Variants in CDH13 observed in about 807,000 individuals in gnomAD.
CDH13 encodes cadherin-13.
CDH13 carries 24 observed loss-of-function variants against 63.8 expected under a neutral mutation model. The ratio of observed to expected loss-of-function variants is 0.38; its 90% CI spans 0.27 to 0.53. The LOEUF is 0.53. CDH13 is among the 20% of genes least tolerant of loss of function. CDH13 has a pLI of 0.85. For synonymous variants in CDH13, 503 were observed against 355.3 expected (o/e 1.42, Z -4.67); for missense variants, 1,049 against 903.1 (o/e 1.16, Z -2.07).
At chr16:83,236,319 C>T (rs1430134243) in intron 5 of CDH13, among the ~76,000 whole-genome samples, 3 of 151,472 alleles carry the variant, frequency 2.0e-5, no homozygotes, top group Non-Finnish European at 4.4e-5. Flanking sequence ...ACAATTGCTT[C>T]CTTAAAATGT....
At chr16:82,861,806 T>G (rs190982031) in intron 2 of CDH13, among the ~76,000 whole-genome samples, 33 of 152,334 alleles carry the variant, frequency 2.2e-4, no homozygotes, top group African/African-American at 7.5e-4. Context: ...AACAATATGC[T>G]GGGACCAAAA....
At chr16:83,325,211 TA>T (rs1468993213) in intron 5 of CDH13, among the ~76,000 whole-genome samples, 1 of 152,244 alleles carries the variant, frequency 6.6e-6, no homozygotes, top group Non-Finnish European at 1.5e-5. Flanking sequence ...GACTATTTTT[TA>T]ATTATTACAA....
chr16:82,858,180 T>A (rs2039780238), intron 1 of CDH13, among the ~76,000 whole-genome samples, 182 bp from the exon 2 acceptor site: 1 of 152,248 alleles, frequency 6.6e-6, no homozygotes, highest in African/African-American at 2.4e-5. Context: ...CATTTGCGTA[T>A]TCTCCAAATC....
chr16:82,665,171 C>A (rs925242375), intron 1 of CDH13, among the ~76,000 whole-genome samples: 1 of 152,124 alleles, frequency 6.6e-6, no homozygotes, highest in Non-Finnish European at 1.5e-5. Context: ...CCATTTAATG[C>A]CACATTTGCC....
intron 6 of CDH13, among the ~76,000 whole-genome samples, chr16:83,476,572 C>G (rs969476691): frequency 6.6e-6 from 1 of 152,166 alleles, no homozygotes; most frequent in Non-Finnish European, 1.5e-5. Context: ...ACTTGGAAGG[C>G]TGAGGCATGA....
At chr16:83,724,282 A>G (rs1910094246) in intron 10 of CDH13, among the ~76,000 whole-genome samples, 1 of 150,010 alleles carries the variant, frequency 6.7e-6, no homozygotes, top group African/African-American at 2.5e-5. Flanking sequence ...TGATTAATGC[A>G]TGGGTAGGTG....
At chr16:82,632,388 C>A (rs1161504555) in intron 1 of CDH13, among the ~76,000 whole-genome samples, 1 of 152,194 alleles carries the variant, frequency 6.6e-6, no homozygotes, top group East Asian at 1.9e-4. Flanking sequence ...TTTGGAACAG[C>A]ATGACCAAGG....
chr16:83,595,347 C>A (rs189397367), intron 7 of CDH13, among the ~76,000 whole-genome samples: 1 of 152,184 alleles, frequency 6.6e-6, no homozygotes, highest in Admixed American at 6.5e-5. Context: ...GAAAGTAAAT[C>A]GCCCACCTTG....
At chr16:82,679,274 T>G (rs1914279234) in intron 1 of CDH13, among the ~76,000 whole-genome samples, 1 of 152,154 alleles carries the variant, frequency 6.6e-6, no homozygotes, top group African/African-American at 2.4e-5. Flanking sequence ...ATCATATACC[T>G]GGGAAGCTGT....
At chr16:83,435,598 G>A (rs1187561304) in intron 6 of CDH13, among the ~76,000 whole-genome samples, 1 of 152,092 alleles carries the variant, frequency 6.6e-6, no homozygotes, top group Non-Finnish European at 1.5e-5. Flanking sequence ...CTCTCTCCCT[G>A]ATCTCAGGGT....
intron 6 of CDH13, among the ~76,000 whole-genome samples, chr16:83,443,510 G>A (rs1456124801): frequency 6.6e-6 from 1 of 151,866 alleles, no homozygotes; most frequent in Non-Finnish European, 1.5e-5. Context: ...TTTTTCTGAA[G>A]TACTAAAAGC....
intron 10 of CDH13, chr16:83,710,322 A>T (rs967094802): frequency 3.9e-5 from 6 of 152,240 alleles, no homozygotes; most frequent in African/African-American, 1.4e-4. Flanking sequence ...GCTGGCTTAA[A>T]ACCTGTTCAA....
chr16:83,189,910 T>A (rs2038644055), intron 4 of CDH13, among the ~76,000 whole-genome samples: 1 of 152,126 alleles, frequency 6.6e-6, no homozygotes, highest in Non-Finnish European at 1.5e-5. Flanking sequence ...TCTCATGAGA[T>A]CTGATGGTTT....
intron 1 of CDH13, among the ~76,000 whole-genome samples, chr16:82,817,402 C>G (rs376954617): frequency 2.0e-5 from 3 of 152,140 alleles, no homozygotes; most frequent in Non-Finnish European, 4.4e-5. Flanking sequence ...AATGTGTACT[C>G]TAGGCCCCAG....
At chr16:82,814,463 A>T (rs1385059235) in intron 1 of CDH13, among the ~76,000 whole-genome samples, 1 of 152,136 alleles carries the variant, frequency 6.6e-6, no homozygotes, top group Non-Finnish European at 1.5e-5. Flanking sequence ...TGAGATACTC[A>T]ATCGTGCCTA....
chr16:82,854,708 T>C (rs1332959217), intron 1 of CDH13, among the ~76,000 whole-genome samples: 1 of 152,180 alleles, frequency 6.6e-6, no homozygotes, highest in Admixed American at 6.5e-5. Context: ...TGGTTTTGCT[T>C]TCCTTGATGC....
intron 1 of CDH13, among the ~76,000 whole-genome samples, chr16:82,791,816 A>T: frequency 6.6e-6 from 1 of 152,188 alleles, no homozygotes; most frequent in East Asian, 1.9e-4. Context: ...TCTGTGACCC[A>T]CGGCTTCTAA....
intron 10 of CDH13, chr16:83,740,130 G>A (rs571042434): frequency 6.6e-6 from 1 of 152,324 alleles, no homozygotes; most frequent in Non-Finnish European, 1.5e-5. Context: ...TGAAAGGAAG[G>A]CCAGCGAGTC....
At chr16:83,647,622 C>A (rs1246108764) in intron 8 of CDH13, among the ~76,000 whole-genome samples, 1 of 152,200 alleles carries the variant, frequency 6.6e-6, no homozygotes, top group Non-Finnish European at 1.5e-5. Context: ...TCAGAAATAG[C>A]TGTTTTTGAC....
Sources: gnomAD v4.1 joint callset for allele counts (sites outside exome capture counted in the v4.1 genomes callset) on GRCh38, gnomAD v4.1.1 for gene constraint, MANE v1.5 for transcripts, NCBI Gene and HGNC (gene_info 2026-07-23, HGNC 2026-07-21) for gene names.